The following MBD5 variants were observed in gnomAD, a reference collection of about 807,000 sequenced individuals.
The protein encoded by MBD5 is methyl-CpG-binding domain protein 5.
Under a neutral mutation model 117.3 loss-of-function variants are expected in MBD5, and 13 were observed. The observed-to-expected ratio is 0.11, with a 90% confidence interval of 0.07 to 0.18. The LOEUF is 0.18. MBD5 is among the 10% of genes least tolerant of loss of function. MBD5 has a pLI of 1.00. For synonymous variants in MBD5, 727 were observed against 766.4 expected, an observed-to-expected ratio of 0.95 and a Z score of 0.85; for missense variants, 1,879 against 2,093.8, an observed-to-expected ratio of 0.90 and a Z score of 2.00.
At chr2:148,438,120 A>G (rs1442498818) in intron 4 of MBD5, among the ~76,000 whole-genome samples, 1 of 152,224 alleles carries the variant, frequency 6.6e-6, no homozygotes, top group Non-Finnish European at 1.5e-5. Context: ...AAAGTCTTAC[A>G]TATTTTGTAC....
chr2:148,282,277 T>C (rs1444539135), intron 3 of MBD5, among the ~76,000 whole-genome samples: 2 of 152,156 alleles, frequency 1.3e-5, no homozygotes, highest in African/African-American at 4.8e-5. Flanking sequence ...ACCTTTGGCA[T>C]ATATATGATT....
chr2:148,412,276 G>A, intron 4 of MBD5, among the ~76,000 whole-genome samples: 1 of 138,270 alleles, frequency 7.2e-6, no homozygotes, highest in Non-Finnish European at 1.5e-5. Flanking sequence ...TACTTTTTGT[G>A]TGTGTGTGTG....
chr2:148,332,066 A>T (rs938785681), intron 3 of MBD5, among the ~76,000 whole-genome samples: 2 of 152,152 alleles, frequency 1.3e-5, no homozygotes, highest in African/African-American at 4.8e-5. Flanking sequence ...TTTGGTAATT[A>T]TAAAACAGAA....
intron 1 of MBD5, among the ~76,000 whole-genome samples, chr2:148,102,727 C>CAT (rs1430927071): frequency 1.6e-5 from 1 of 62,858 alleles, no homozygotes; most frequent in Non-Finnish European, 3.4e-5. Flanking sequence ...CACACACACA[C>CAT]ACAGAGAGAG....
chr2:148,448,719 G>T (rs1330991490), intron 4 of MBD5, among the ~76,000 whole-genome samples: 1 of 151,804 alleles, frequency 6.6e-6, no homozygotes, highest in Non-Finnish European at 1.5e-5. Context: ...CCCCCAAATG[G>T]ACATAATTTG....
At chr2:148,294,514 T>TGTTTTTTTTTTTTGTTTG (rs796734529) in intron 3 of MBD5, among the ~76,000 whole-genome samples, 1 of 138,684 alleles carries the variant, frequency 7.2e-6, no homozygotes, top group African/African-American at 2.7e-5. Flanking sequence ...TTTTTTTTTT[T>TGTTTTTTTTTTTTGTTTG]TTTTTTTGAG....
intron 4 of MBD5, among the ~76,000 whole-genome samples, chr2:148,372,622 T>C (rs967496404): frequency 3.3e-5 from 5 of 151,864 alleles, no homozygotes; most frequent in African/African-American, 9.7e-5. Flanking sequence ...AGAAAGATAG[T>C]AGTGGTGAAT....
rs1559099612 is a variant in MBD5 at position 148,490,312 on chromosome 2, T to C, written c.4680T>C (p.Asn1560=). 6.2e-7 allele frequency: 1 copy of C among 1,614,072 alleles called. No homozygotes were observed. The highest frequency in any genetic ancestry group is 8.5e-7 in the Non-Finnish European group (1 of 1,180,008). Residue 1560 remains asparagine (N), a synonymous_variant, in exon 11 of 14, where the codon AAT becomes AAC. Transcript: ENST00000642680. ...CAAGTTCCTCAAATAGTTTGGAAAA[T>C]TCTCTGGTCAAAGACTACATCCATT... ...QSPSSSNSLE[N]SLVKDYIHYN...
intron 1 of MBD5, among the ~76,000 whole-genome samples, chr2:148,126,687 T>C (rs1696904561): frequency 6.6e-6 from 1 of 152,052 alleles, no homozygotes; most frequent in Non-Finnish European, 1.5e-5. Context: ...ATTTGAATAA[T>C]AGAAATAATG....
chr2:148,094,458 G>A (rs1696012398), intron 1 of MBD5, among the ~76,000 whole-genome samples: 1 of 152,096 alleles, frequency 6.6e-6, no homozygotes, highest in South Asian at 2.1e-4. Flanking sequence ...ATTACTTTCA[G>A]TCATTCAATG....
At chr2:148,387,388 GA>G (rs1364029228) in intron 4 of MBD5, among the ~76,000 whole-genome samples, 2 of 152,044 alleles carry the variant, frequency 1.3e-5, no homozygotes, top group African/African-American at 4.8e-5. Context: ...TTGCAAAATA[GA>G]AAGGAAGTCC....
intron 3 of MBD5, among the ~76,000 whole-genome samples, chr2:148,248,747 C>CT (rs1443804052): frequency 1.3e-5 from 2 of 151,884 alleles, no homozygotes; most frequent in Non-Finnish European, 2.9e-5. Flanking sequence ...TAATATAACG[C>CT]TTTAGTGATT....
chr2:148,356,321 C>A (rs907770531), intron 4 of MBD5, among the ~76,000 whole-genome samples: 1 of 152,090 alleles, frequency 6.6e-6, no homozygotes, highest in Non-Finnish European at 1.5e-5. Context: ...ATAGCAACTT[C>A]CCATGCCTGG....
At chr2:148,480,620 C>A (rs911347860) in intron 8 of MBD5, among the ~76,000 whole-genome samples, 2 of 151,762 alleles carry the variant, frequency 1.3e-5, no homozygotes, top group Admixed American at 6.6e-5. Context: ...AAGATGGTGT[C>A]CAAATGGAAA....
At chr2:148,415,656 T>C (rs1313916987) in intron 4 of MBD5, among the ~76,000 whole-genome samples, 3 of 152,194 alleles carry the variant, frequency 2.0e-5, no homozygotes, top group Non-Finnish European at 2.9e-5. Flanking sequence ...GAGGTTTTGT[T>C]CATTCTTTTT....
At chr2:148,126,201 G>T (rs1696886356) in intron 1 of MBD5, among the ~76,000 whole-genome samples, 1 of 151,502 alleles carries the variant, frequency 6.6e-6, no homozygotes, top group Admixed American at 6.6e-5. Context: ...TTTGAGACCG[G>T]CCTGGCCAAT....
chr2:148,258,905 G>C (rs79596760), intron 3 of MBD5, among the ~76,000 whole-genome samples: 19,268 of 152,128 alleles, frequency 0.13, 1,477 homozygotes, highest in Non-Finnish European at 0.18. Flanking sequence ...TTCCCTGAGA[G>C]CCGCCATAGC....
intron 1 of MBD5, among the ~76,000 whole-genome samples, chr2:148,176,309 T>G (rs180909571): frequency 0.02 from 2,953 of 151,004 alleles, 87 homozygotes; most frequent in African/African-American, 0.067. Flanking sequence ...GTTTTGTTTT[T>G]TTTTTTTTTT....
chr2:148,021,240 G>A lies in MBD5; in HGVS notation c.-1369G>A. 7.4e-6 allele frequency: 2 copies of A among 270,912 alleles called. No individual in the cohort carries two copies. Among genetic ancestry groups the A allele is most frequent in the South Asian group, 3.6e-5 (1 of 27,472 alleles). The allele number at this position is 270,912 out of a possible 1,614,324, so 16.8% of individuals were successfully genotyped here. A position where few individuals can be genotyped will look rare whatever the true frequency, so the allele number is the denominator to read the frequency against. On this transcript the variant is annotated 5_prime_UTR_variant, in exon 1 of 14. Transcript: ENST00000642680. ...AATTCAGGGGGGTGGGGGGAAGGCGGCTGAGTTCCTTCCCCCACCCTCCAG... is the reference window on the plus strand; with the variant it reads ...AATTCAGGGGGGTGGGGGGAAGGCGACTGAGTTCCTTCCCCCACCCTCCAG...
Sources: allele counts gnomAD v4.1 joint callset (sites outside exome capture counted in the v4.1 genomes callset), GRCh38; gene constraint gnomAD v4.1.1; transcripts MANE v1.5; gene names NCBI Gene and HGNC (gene_info 2026-07-23, HGNC 2026-07-21).